The following FAM219A variants were observed in gnomAD, a reference collection of about 807,000 sequenced individuals.
FAM219A encodes the protein protein FAM219A.
FAM219A carries 7 observed loss-of-function variants against 23.4 expected under a neutral mutation model. That is an observed-to-expected ratio of 0.30 (90% CI 0.17 to 0.56). FAM219A has a LOEUF of 0.56. Among genes scored for constraint, FAM219A ranks in the 20% least tolerant of loss-of-function variants. FAM219A has a pLI of 0.92. For missense variants in FAM219A, 166 were observed against 246.9 expected (o/e 0.67, Z 2.20); for synonymous variants, 93 against 99.0 (o/e 0.94, Z 0.36).
At chr9:34,407,258 C>G (rs533599440) in intron 1 of FAM219A, among the ~76,000 whole-genome samples, 1 of 152,188 alleles carries the variant, frequency 6.6e-6, no homozygotes, top group East Asian at 1.9e-4. Flanking sequence ...GGATGGGGGT[C>G]TGGCTTCCCT....
At chr9:34,430,510 G>A (rs933928959) in intron 1 of FAM219A, among the ~76,000 whole-genome samples, 5 of 151,548 alleles carry the variant, frequency 3.3e-5, no homozygotes, top group African/African-American at 1.2e-4. Context: ...GGTGGTGGGC[G>A]CTTGTAGTCC....
intron 1 of FAM219A, among the ~76,000 whole-genome samples, chr9:34,408,829 T>A (rs1313373359): frequency 3.3e-5 from 5 of 152,190 alleles, no homozygotes; most frequent in Non-Finnish European, 7.3e-5. Flanking sequence ...CACCATCCTT[T>A]CCCTGGGGCT....
At chr9:34,434,972 A>G (rs147949767) in intron 1 of FAM219A, among the ~76,000 whole-genome samples, 1 of 152,222 alleles carries the variant, frequency 6.6e-6, no homozygotes, top group East Asian at 1.9e-4. Flanking sequence ...GGCATGTGCC[A>G]CCACATCTGG....
rs529750245 is a variant in FAM219A, at chr9:34,402,959, G to A, written c.161-152C>T. On this transcript the variant is annotated intron_variant, in intron 2 of 5. Coordinates refer to ENST00000651358, the MANE Select transcript of FAM219A (RefSeq NM_001184940.2). ...CCCAACTCCAGGCCCCTGCTGCTTG[G>A]TGGAGATAGTACCTGGCCCTGCACA... 100 of 649,882 alleles carry A rather than the reference G, an allele frequency of 1.5e-4. 2 individuals are homozygous for A. The South Asian group carries it at 1.8e-3, about 12-fold the overall frequency. The allele number at this position is 649,882 out of a possible 1,614,324, so 40.3% of individuals were successfully genotyped here. A position where few individuals can be genotyped will look rare whatever the true frequency, so the allele number is the denominator to read the frequency against.
Position 34,458,137 on chromosome 9 carries a change from G to A in FAM219A, c.60+67C>T. On this transcript the variant is annotated intron_variant, in intron 1 of 5. Coordinates refer to ENST00000651358, the MANE Select transcript of FAM219A (RefSeq NM_001184940.2). The surrounding 1 kb of genome is among the most constrained non-coding windows in gnomAD (Gnocchi z 6.6). Reference sequence around the variant, plus strand: ...CCCCTCCGCACGATCCCCCCGGCCTGATTCCCTCCCTCCCCCTCAAGCGAC... The same window carrying A: ...CCCCTCCGCACGATCCCCCCGGCCTAATTCCCTCCCTCCCCCTCAAGCGAC... The A allele has an allele frequency of 7.1e-7, 1 of 1,418,150 alleles. No individual in the cohort carries two copies. 87.8% of individuals were successfully genotyped at this position (1,418,150 alleles called of 1,614,324 possible).
At chr9:34,402,227 G>A in intron 4 of FAM219A, 160 bp downstream of exon 4, 1 of 1,593,574 alleles carries the variant, frequency 6.3e-7, no homozygotes, top group African/African-American at 1.3e-5. Context: ...CCCAGTCCCT[G>A]GTGTAAAAAA....
intron 1 of FAM219A, 112 bp from the exon 2 acceptor site, chr9:34,406,076 AC>A: frequency 8.8e-7 from 1 of 1,129,952 alleles, no homozygotes; most frequent in South Asian, 1.6e-5. Context: ...GTGAGCATTC[AC>A]CCCTCAGAGC....
chr9:34,438,608 T>G (rs1447545964), intron 1 of FAM219A, among the ~76,000 whole-genome samples: 1 of 152,150 alleles, frequency 6.6e-6, no homozygotes, highest in African/African-American at 2.4e-5. Flanking sequence ...TGTATCTAGC[T>G]CAAGGTTTAT....
chr9:34,401,189 A>T (rs1821413246), intron 5 of FAM219A, 67 bp from the exon 6 acceptor site: 1 of 1,564,916 alleles, frequency 6.4e-7, no homozygotes, highest in Non-Finnish European at 8.7e-7. Flanking sequence ...CTCTGCGGCC[A>T]CTCCAGGCCG....
At chr9:34,401,780 C>A in intron 4 of FAM219A, 60 bp from the exon 5 acceptor site, 4 of 1,548,956 alleles carry the variant, frequency 2.6e-6, no homozygotes, top group Non-Finnish European at 2.6e-6. Context: ...AAACTCTCTG[C>A]AATCCCACCT....
intron 2 of FAM219A, among the ~76,000 whole-genome samples, chr9:34,405,523 C>T (rs1431749419): frequency 6.6e-6 from 1 of 152,174 alleles, no homozygotes; most frequent in African/African-American, 2.4e-5. Context: ...CAAGTAACAT[C>T]CCACTTCTAA....
At chr9:34,443,974 A>C (rs891320444) in intron 1 of FAM219A, among the ~76,000 whole-genome samples, 5 of 152,058 alleles carry the variant, frequency 3.3e-5, no homozygotes, top group Admixed American at 6.6e-5. Context: ...CCAACCCTCA[A>C]CTTGGTCTCC....
chr9:34,428,512 G>A (rs1354403130), intron 1 of FAM219A, among the ~76,000 whole-genome samples: 3 of 152,246 alleles, frequency 2.0e-5, no homozygotes, highest in Non-Finnish European at 4.4e-5. Flanking sequence ...CCTGGGATTA[G>A]AATTCATGGG....
At chr9:34,422,236 C>T (rs938849214) in intron 1 of FAM219A, among the ~76,000 whole-genome samples, 1 of 152,180 alleles carries the variant, frequency 6.6e-6, no homozygotes, top group Non-Finnish European at 1.5e-5. Context: ...TGCTTAAATA[C>T]CTGCCAGAGG....
chr9:34,453,995 C>A (rs893324114), intron 1 of FAM219A, among the ~76,000 whole-genome samples: 1 of 152,212 alleles, frequency 6.6e-6, no homozygotes, highest in African/African-American at 2.4e-5. Context: ...ATGGCTCAGA[C>A]ACAGAGCTGA....
chr9:34,399,959 A>G lies in FAM219A; in HGVS notation c.*1005T>C, dbSNP rs1588025787. 1 of 151,828 alleles carries G rather than the reference A, an allele frequency of 6.6e-6. No individual in the cohort carries two copies. The highest frequency in any genetic ancestry group is 1.5e-5 in the Non-Finnish European group (1 of 68,178). The allele number at this position is 151,828 out of a possible 1,614,324, so 9.4% of individuals were successfully genotyped here. ...GTCCAACAGAGACACACACCCACCC[A>G]CCCCCTGACAGCCTCAGAGATACAC... On this transcript the variant is annotated 3_prime_UTR_variant, in exon 6 of 6. Transcript: ENST00000651358.
chr9:34,448,869 G>A (rs777851136), intron 1 of FAM219A, among the ~76,000 whole-genome samples: 4 of 151,882 alleles, frequency 2.6e-5, no homozygotes, highest in Admixed American at 6.6e-5. Flanking sequence ...AAGGATGAGG[G>A]ATAAAAGACT....
chr9:34,398,587 G>C lies in FAM219A; in HGVS notation c.*2377C>G, dbSNP rs527988099. ...GCCAGGGAACTAGTATGTCCTGTGG[G>C]GGGGGAGATTTTCCCTGGTGTCTCA... On this transcript the variant is annotated 3_prime_UTR_variant, in exon 6 of 6. Coordinates refer to ENST00000651358, the MANE Select transcript of FAM219A (RefSeq NM_001184940.2). 2.2e-3 allele frequency: 1,257 copies of C among 576,442 alleles called. 10 individuals are homozygous for C. Among genetic ancestry groups the C allele is most frequent in the African/African-American group, 0.018 (961 of 53,594 alleles). 35.7% of individuals were successfully genotyped at this position (576,442 alleles called of 1,614,324 possible). A position where few individuals can be genotyped will look rare whatever the true frequency, so the allele number is the denominator to read the frequency against.
intron 1 of FAM219A, among the ~76,000 whole-genome samples, chr9:34,454,699 C>T (rs964912458): frequency 8.5e-5 from 13 of 152,170 alleles, no homozygotes; most frequent in Admixed American, 8.5e-4. Context: ...TAAATTAGCA[C>T]CTTGGAAACA....
Sources: gnomAD v4.1 joint callset for allele counts (sites outside exome capture counted in the v4.1 genomes callset) on GRCh38, gnomAD v4.1.1 for gene constraint, Gnocchi (gnomAD v3.1) non-coding constraint, MANE v1.5 for transcripts, NCBI Gene and HGNC (gene_info 2026-07-23, HGNC 2026-07-21) for gene names.